LRP11: variants seen among roughly 807,000 people sequenced by gnomAD.
The protein encoded by LRP11 is LDL receptor related protein 11, also known as low-density lipoprotein receptor-related protein 11.
A neutral mutation model predicts 43.1 loss-of-function variants in LRP11; 25 were observed. The ratio of observed to expected loss-of-function variants is 0.58; its 90% confidence interval spans 0.42 to 0.81. LRP11 has a LOEUF of 0.81. Among genes scored for constraint, LRP11 ranks in the 30% least tolerant of loss-of-function variants. The pLI is 0.00. For synonymous variants in LRP11, 316 were observed against 299.4 expected (o/e 1.06, Z -0.57); for missense variants, 623 against 665.1 (o/e 0.94, Z 0.70).
chr6:149,838,702 A>C (rs1776505107), intron 3 of LRP11, among the ~76,000 whole-genome samples: 1 of 151,944 alleles, frequency 6.6e-6, no homozygotes, highest in Non-Finnish European at 1.5e-5. Context: ...AAAAAAAAGA[A>C]AGAAATAACG....
At chr6:149,847,824 T>TACACACACACACAC (rs57292379) in intron 2 of LRP11, among the ~76,000 whole-genome samples, 4 of 131,132 alleles carry the variant, frequency 3.1e-5, no homozygotes, top group South Asian at 2.8e-4. Flanking sequence ...TAAACTAAAT[T>TACACACACACACAC]ACACACACAC....
At chr6:149,846,443 C>T (rs567437118) in intron 2 of LRP11, among the ~76,000 whole-genome samples, 13 of 152,274 alleles carry the variant, frequency 8.5e-5, no homozygotes, top group South Asian at 2.1e-4. Flanking sequence ...CCAGCTGCTC[C>T]GCCTGAAAGC....
chr6:149,820,535 T>C lies in LRP11; in HGVS notation c.*14A>G, dbSNP rs759128267. The C allele has an allele frequency of 2.4e-5, 19 of 778,052 alleles. No individual in the cohort carries two copies. In the East Asian group the frequency reaches 2.9e-4, roughly 12 times the overall value. 48.2% of individuals were successfully genotyped at this position (778,052 alleles called of 1,614,324 possible). A position where few individuals can be genotyped will look rare whatever the true frequency, so the allele number is the denominator to read the frequency against. On this transcript the variant is annotated 3_prime_UTR_variant, in exon 7 of 7. Coordinates refer to ENST00000239367, the MANE Select transcript of LRP11 (RefSeq NM_032832.6). Reference sequence around the variant, plus strand: ...CAAAACATGTCCCTGCCCCAAGGTATTGAAATTACATTACTATAGATACAT... The same window carrying C: ...CAAAACATGTCCCTGCCCCAAGGTACTGAAATTACATTACTATAGATACAT...
chr6:149,855,282 A>C (rs959960617), intron 1 of LRP11, among the ~76,000 whole-genome samples: 3 of 152,222 alleles, frequency 2.0e-5, no homozygotes, highest in Non-Finnish European at 4.4e-5. Context: ...ATCTGATCGA[A>C]GGCATTCTTA....
chr6:149,858,213 C>G (rs1291781060), intron 1 of LRP11, among the ~76,000 whole-genome samples: 2 of 152,138 alleles, frequency 1.3e-5, no homozygotes, highest in Non-Finnish European at 2.9e-5. Context: ...ACCCCCACCC[C>G]GACAGGCCCT....
intron 2 of LRP11, among the ~76,000 whole-genome samples, chr6:149,848,036 CT>C (rs1554259765): frequency 2.0e-5 from 3 of 152,106 alleles, no homozygotes; most frequent in Non-Finnish European, 4.4e-5. Context: ...GTGTGGTTTT[CT>C]GAAGTCACTG....
At chr6:149,853,185 T>C in intron 1 of LRP11, 25 bp from the exon 2 acceptor site, 1 of 1,522,480 alleles carries the variant, frequency 6.6e-7, no homozygotes, top group African/African-American at 1.4e-5. Context: ...AAATAATTCA[T>C]AAAAGATGAT....
At chr6:149,858,437 G>T (rs906466818) in intron 1 of LRP11, among the ~76,000 whole-genome samples, 1 of 152,118 alleles carries the variant, frequency 6.6e-6, no homozygotes, top group African/African-American at 2.4e-5. Context: ...TCTTAATCCA[G>T]TCTATTATTA....
At chr6:149,845,335 T>C (rs1337485301) in intron 2 of LRP11, among the ~76,000 whole-genome samples, 1 of 152,080 alleles carries the variant, frequency 6.6e-6, no homozygotes, top group Non-Finnish European at 1.5e-5. Context: ...CGAATCCCCG[T>C]GAAGTGATTT....
chr6:149,849,934 A>G (rs1164462526), intron 2 of LRP11, among the ~76,000 whole-genome samples: 1 of 152,202 alleles, frequency 6.6e-6, no homozygotes, highest in Non-Finnish European at 1.5e-5. Flanking sequence ...GATGGGCCCT[A>G]GAAGCTGATC....
intron 1 of LRP11, among the ~76,000 whole-genome samples, chr6:149,859,398 T>TA (rs1562448086): frequency 0.01 from 434 of 42,488 alleles, 3 homozygotes; most frequent in African/African-American, 0.017. Context: ...ATATATATAT[T>TA]TTTTTTTTTT....
At chr6:149,828,176 G>A (rs967527864) in intron 5 of LRP11, among the ~76,000 whole-genome samples, 4 of 151,266 alleles carry the variant, frequency 2.6e-5, no homozygotes, top group Non-Finnish European at 5.9e-5. Context: ...GGGCAACAGA[G>A]ACTCCTTTTC....
chr6:149,849,296 T>A (rs1776684760), intron 2 of LRP11, among the ~76,000 whole-genome samples: 1 of 152,260 alleles, frequency 6.6e-6, no homozygotes, highest in African/African-American at 2.4e-5. Context: ...AAAGTCAGCA[T>A]CATTTAATGG....
intron 2 of LRP11, among the ~76,000 whole-genome samples, chr6:149,846,966 T>A (rs1369202225): frequency 2.1e-5 from 3 of 141,994 alleles, no homozygotes; most frequent in Non-Finnish European, 4.6e-5. Context: ...TAGAATAGAA[T>A]AGAATAGAAT....
intron 1 of LRP11, among the ~76,000 whole-genome samples, chr6:149,862,645 T>C (rs1218074226): frequency 6.9e-6 from 1 of 145,714 alleles, no homozygotes; most frequent in Non-Finnish European, 1.5e-5. Flanking sequence ...AATGGCGCGA[T>C]CTCGGCTCAC....
chr6:149,855,928 T>C (rs1014109529), intron 1 of LRP11, among the ~76,000 whole-genome samples: 2 of 152,216 alleles, frequency 1.3e-5, no homozygotes, highest in Non-Finnish European at 2.9e-5. Context: ...GATGTCTTTA[T>C]GCTGCTTCTG....
chr6:149,836,830 A>G (rs1197313247), intron 4 of LRP11, among the ~76,000 whole-genome samples: 3 of 119,696 alleles, frequency 2.5e-5, no homozygotes, highest in Non-Finnish European at 5.1e-5. Flanking sequence ...AAAAAGAAAG[A>G]AAAGAAAAAA....
chr6:149,828,302 C>A (rs1776366791), intron 5 of LRP11, among the ~76,000 whole-genome samples: 2 of 151,902 alleles, frequency 1.3e-5, no homozygotes, highest in African/African-American at 4.8e-5. Flanking sequence ...AAAAATAAGA[C>A]CATGCAGCTT....
rs4870049 is a variant in LRP11, at chr6:149,837,058, G to T, written c.1039+280C>A. 0.41 allele frequency among the ~76,000 whole-genome samples: 61,751 copies of T among 151,784 alleles called. 13,394 individuals carry two copies. Among genetic ancestry groups the T allele is most frequent in the East Asian group, 0.81 (4,197 of 5,168 alleles). ...TATCAAAACAAAGCATCAAATCACT[G>T]CAGTTTTTAAGAAAGCACATGACAT... On this transcript the variant is annotated intron_variant, in intron 4 of 6. Coordinates refer to ENST00000239367, the MANE Select transcript of LRP11 (RefSeq NM_032832.6).
Sources: gnomAD v4.1 joint callset for allele counts (sites outside exome capture counted in the v4.1 genomes callset) on GRCh38, gnomAD v4.1.1 for gene constraint, MANE v1.5 for transcripts, NCBI Gene and HGNC (gene_info 2026-07-23, HGNC 2026-07-21) for gene names.